EXOC6B: variants seen among roughly 807,000 people sequenced by gnomAD.
The protein encoded by EXOC6B is SEC15 homolog B.
In EXOC6B, 54 loss-of-function variants were observed where a neutral mutation model predicts 113.5. That is an observed-to-expected ratio of 0.48 (90% confidence interval 0.38 to 0.60). EXOC6B has a LOEUF of 0.60. EXOC6B is among the 20% of genes least tolerant of loss of function. The pLI, the probability that EXOC6B is intolerant of heterozygous loss-of-function variation, is 0.00. For missense variants in EXOC6B, 797 were observed against 977.5 expected, an observed-to-expected ratio of 0.82 and a Z score of 2.46; for synonymous variants, 357 against 339.0, an observed-to-expected ratio of 1.05 and a Z score of -0.58.
chr2:72,208,329 C>G (rs899481053), intron 20 of EXOC6B, among the ~76,000 whole-genome samples: 1 of 152,006 alleles, frequency 6.6e-6, no homozygotes, highest in Non-Finnish European at 1.5e-5. Context: ...TAATTGAGAA[C>G]ATGCAGTGTT....
chr2:72,530,419 C>G (rs1701943651), intron 8 of EXOC6B, among the ~76,000 whole-genome samples: 1 of 151,984 alleles, frequency 6.6e-6, no homozygotes, highest in South Asian at 2.1e-4. Flanking sequence ...TTCTTGTTAT[C>G]GTTGTGTTAC....
At chr2:72,180,546 G>A (rs1012269175) in intron 21 of EXOC6B, among the ~76,000 whole-genome samples, 1 of 152,204 alleles carries the variant, frequency 6.6e-6, no homozygotes, top group Non-Finnish European at 1.5e-5. Flanking sequence ...GATAGGGGCA[G>A]GCCAGTCTTC....
chr2:72,202,797 C>T (rs965099085), intron 20 of EXOC6B, among the ~76,000 whole-genome samples: 3 of 152,180 alleles, frequency 2.0e-5, no homozygotes, highest in African/African-American at 7.2e-5. Flanking sequence ...ACTTGAAGAT[C>T]TCTTTAGCAG....
At position 72,562,297 on chromosome 2, in the gene EXOC6B, AG is replaced by A. The variant is rs138859367; in HGVS notation, c.847-2777del. ...TGAACTTTCAAAAATCTAAATAAAAAGGGGTGGGGAAGAGTATCAGAAGAAA... is the reference window on the plus strand; with the variant it reads ...TGAACTTTCAAAAATCTAAATAAAAAGGGTGGGGAAGAGTATCAGAAGAAA... On this transcript the variant is annotated intron_variant, in intron 7 of 21. Coordinates refer to ENST00000272427, the MANE Select transcript of EXOC6B (RefSeq NM_015189.3). Among the ~76,000 whole-genome samples, 847 of 152,254 alleles carry A rather than the reference AG, an allele frequency of 5.6e-3. 7 individuals are homozygous for A. The highest frequency in any genetic ancestry group is 0.02 in the African/African-American group (819 of 41,578).
chr2:72,779,472 A>T (rs1300581693), intron 1 of EXOC6B, among the ~76,000 whole-genome samples: 1 of 152,148 alleles, frequency 6.6e-6, no homozygotes, highest in African/African-American at 2.4e-5. Context: ...TGTAAAAAAA[A>T]TTATCAAGCA....
intron 6 of EXOC6B, among the ~76,000 whole-genome samples, chr2:72,707,175 A>G (rs1257965751): frequency 1.3e-5 from 2 of 152,190 alleles, no homozygotes; most frequent in Admixed American, 1.3e-4. Context: ...TAATAAAATC[A>G]TTGGTGTTTT....
intron 6 of EXOC6B, among the ~76,000 whole-genome samples, chr2:72,661,700 G>A (rs894597319): frequency 4.6e-5 from 7 of 151,984 alleles, no homozygotes; most frequent in African/African-American, 1.7e-4. Flanking sequence ...GAAACAAGCT[G>A]ATTCTAGAAT....
intron 17 of EXOC6B, among the ~76,000 whole-genome samples, chr2:72,477,859 C>A (rs539065732): frequency 2.4e-4 from 36 of 152,254 alleles, no homozygotes; most frequent in African/African-American, 8.4e-4. Flanking sequence ...TTTCTCACTT[C>A]TTTTTGGTCA....
At chr2:72,732,748 G>C (rs1253083106) in intron 3 of EXOC6B, among the ~76,000 whole-genome samples, 1 of 152,152 alleles carries the variant, frequency 6.6e-6, no homozygotes, top group Admixed American at 6.5e-5. Flanking sequence ...GTTAGGAAAG[G>C]CCTCATTAAG....
chr2:72,466,344 C>CAAAAAAAAAA (rs551509210), intron 17 of EXOC6B, among the ~76,000 whole-genome samples: 4 of 82,304 alleles, frequency 4.9e-5, no homozygotes, highest in Non-Finnish European at 4.7e-5. Flanking sequence ...GACTCCACCT[C>CAAAAAAAAAA]AAAAAAAAAA....
intron 6 of EXOC6B, among the ~76,000 whole-genome samples, chr2:72,635,810 A>G (rs909535277): frequency 3.3e-5 from 5 of 152,264 alleles, no homozygotes; most frequent in Non-Finnish European, 7.3e-5. Flanking sequence ...GCAAAATACA[A>G]GTAAACAGAA....
At chr2:72,645,254 T>C (rs1014564703) in intron 6 of EXOC6B, among the ~76,000 whole-genome samples, 32 of 152,204 alleles carry the variant, frequency 2.1e-4, no homozygotes, top group South Asian at 1.0e-3. Context: ...GCTAAATATA[T>C]ATGCACCCAA....
intron 6 of EXOC6B, among the ~76,000 whole-genome samples, chr2:72,712,822 A>G (rs1220932472): frequency 6.6e-6 from 1 of 152,200 alleles, no homozygotes; most frequent in Admixed American, 6.6e-5. Flanking sequence ...TGTTTAACAC[A>G]TGCAATTAAA....
chr2:72,297,423 TTGTGTC>T (rs1453003224), intron 20 of EXOC6B, among the ~76,000 whole-genome samples: 1 of 152,098 alleles, frequency 6.6e-6, no homozygotes, highest in African/African-American at 2.4e-5. Flanking sequence ...CTTCCCCTCT[TTGTGTC>T]TGTGTGTTCC....
At chr2:72,275,714 T>C (rs1684772846) in intron 20 of EXOC6B, among the ~76,000 whole-genome samples, 1 of 152,206 alleles carries the variant, frequency 6.6e-6, no homozygotes, top group Non-Finnish European at 1.5e-5. Context: ...GGGTATTCAA[T>C]AAAGCAAGTT....
chr2:72,563,028 C>CT (rs773707248), intron 7 of EXOC6B, among the ~76,000 whole-genome samples: 5 of 152,016 alleles, frequency 3.3e-5, no homozygotes, highest in Non-Finnish European at 4.4e-5. Context: ...CAGTTCAAAC[C>CT]TTTTTCCAGA....
chr2:72,223,951 T>C (rs1484770718), intron 20 of EXOC6B, among the ~76,000 whole-genome samples: 1 of 152,218 alleles, frequency 6.6e-6, no homozygotes, highest in Non-Finnish European at 1.5e-5. Context: ...ATTATCACAA[T>C]GGTCTTATGT....
chr2:72,678,110 A>G (rs1025050082), intron 6 of EXOC6B, among the ~76,000 whole-genome samples: 6 of 152,180 alleles, frequency 3.9e-5, no homozygotes, highest in Non-Finnish European at 7.3e-5. Flanking sequence ...GACAACATCA[A>G]TGTATTGCAC....
At chr2:72,573,102 C>G (rs990360362) in intron 7 of EXOC6B, among the ~76,000 whole-genome samples, 11 of 152,006 alleles carry the variant, frequency 7.2e-5, no homozygotes, top group Admixed American at 6.6e-4. Flanking sequence ...GAGCATGGCA[C>G]AAAAATTAAA....
Sources: allele counts gnomAD v4.1 joint callset (sites outside exome capture counted in the v4.1 genomes callset), GRCh38; gene constraint gnomAD v4.1.1; transcripts MANE v1.5; gene names NCBI Gene and HGNC (gene_info 2026-07-23, HGNC 2026-07-21).